MTA3: variants seen among roughly 807,000 people sequenced by gnomAD.
MTA3 encodes metastasis associated 1 family member 3, also known as metastasis-associated protein MTA3.
Under a neutral mutation model 83.5 loss-of-function variants are expected in MTA3, and 34 were observed. The ratio of observed to expected loss-of-function variants is 0.41; its 90% CI spans 0.31 to 0.54. The LOEUF is 0.54. Ranked by LOEUF, MTA3 falls within the 20% of genes least tolerant of loss-of-function variation. The probability of loss-of-function intolerance (pLI) is 0.33; values close to 1 mark genes in which losing one functional copy is unlikely to be tolerated. For missense variants in MTA3, 761 were observed against 726.4 expected (o/e 1.05, Z -0.55); for synonymous variants, 303 against 252.7 (o/e 1.20, Z -1.89).
chr2:42,587,985 A>G (rs1193131120), intron 3 of MTA3, among the ~76,000 whole-genome samples: 5 of 152,076 alleles, frequency 3.3e-5, no homozygotes, highest in Admixed American at 6.6e-5. Context: ...ATGTAAAACT[A>G]TTTACATTTT....
chr2:42,602,767 C>T (rs1682736964), intron 3 of MTA3, among the ~76,000 whole-genome samples: 1 of 152,130 alleles, frequency 6.6e-6, no homozygotes, highest in African/African-American at 2.4e-5. Context: ...GCAGTAAATT[C>T]CCTCAGTCAG....
At chr2:42,678,036 A>G (rs969945319) in intron 8 of MTA3, among the ~76,000 whole-genome samples, 4 of 152,216 alleles carry the variant, frequency 2.6e-5, no homozygotes, top group Admixed American at 2.0e-4. Flanking sequence ...AAAAGTACAT[A>G]CTACAGCTAA....
intron 9 of MTA3, among the ~76,000 whole-genome samples, chr2:42,694,654 C>T (rs562899753): frequency 2.6e-5 from 4 of 152,300 alleles, no homozygotes; most frequent in African/African-American, 9.6e-5. Flanking sequence ...GTGGCATCAG[C>T]GATTCAAGAC....
intron 15 of MTA3, among the ~76,000 whole-genome samples, chr2:42,721,329 T>C (rs1667393253): frequency 6.7e-6 from 1 of 149,974 alleles, no homozygotes; most frequent in African/African-American, 2.5e-5. Context: ...TTTTTCTTTT[T>C]CTTTTTTTTT....
chr2:42,544,381 G>A (rs1676661435), intron 2 of MTA3, among the ~76,000 whole-genome samples: 1 of 151,848 alleles, frequency 6.6e-6, no homozygotes, highest in Admixed American at 6.6e-5. Flanking sequence ...AGGAGGCAGA[G>A]GTTGTGGTGA....
chr2:42,692,691 C>T (rs953711318), intron 9 of MTA3, among the ~76,000 whole-genome samples: 7 of 152,118 alleles, frequency 4.6e-5, no homozygotes, highest in African/African-American at 1.4e-4. Flanking sequence ...CCTCCCAAAG[C>T]GCTGGGATTA....
chr2:42,565,710 T>A (rs569826174), upstream of MTA3, among the ~76,000 whole-genome samples: 1 of 152,038 alleles, frequency 6.6e-6, no homozygotes, highest in African/African-American at 2.4e-5. Context: ...CCTTCTATAT[T>A]TAAATTTTAC....
chr2:42,667,621 A>AAGAGAGAGAG (rs70963342), intron 8 of MTA3, among the ~76,000 whole-genome samples: 17 of 114,148 alleles, frequency 1.5e-4, no homozygotes, highest in African/African-American at 4.9e-4. Context: ...TAGAGAGAGA[A>AAGAGAGAGAG]AGAGAGAGAG....
intron 2 of MTA3, among the ~76,000 whole-genome samples, chr2:42,577,105 A>AAAAAAAAAATATATAT (rs1211189566): frequency 3.5e-5 from 3 of 86,952 alleles, no homozygotes; most frequent in African/African-American, 1.6e-4. Flanking sequence ...AAAAAAAAAA[A>AAAAAAAAAATATATAT]ATATATATAT....
At chr2:42,695,028 GAGGAGGCTGAGGC>G (rs2104469281) in intron 9 of MTA3, among the ~76,000 whole-genome samples, 1 of 152,208 alleles carries the variant, frequency 6.6e-6, no homozygotes, top group South Asian at 2.1e-4. Flanking sequence ...AGTCCCAGCT[GAGGAGGCTGAGGC>G]AGGAGGATCA....
intron 2 of MTA3, among the ~76,000 whole-genome samples, chr2:42,519,856 C>A (rs1377120408): frequency 3.3e-5 from 5 of 152,140 alleles, no homozygotes; most frequent in African/African-American, 9.7e-5. Flanking sequence ...CAAGACCATC[C>A]TGGGCAACAT....
At chr2:42,537,767 G>A (rs904337443) in intron 2 of MTA3, among the ~76,000 whole-genome samples, 8 of 152,060 alleles carry the variant, frequency 5.3e-5, no homozygotes, top group Non-Finnish European at 1.2e-4. Flanking sequence ...TTTAATGGGG[G>A]CTATATGTTG....
chr2:42,649,147 C>G (rs1319075664), intron 6 of MTA3, among the ~76,000 whole-genome samples: 1 of 152,144 alleles, frequency 6.6e-6, no homozygotes, highest in Non-Finnish European at 1.5e-5. Context: ...GTAATCCCAG[C>G]ACTTTGGGAG....
intron 9 of MTA3, among the ~76,000 whole-genome samples, chr2:42,695,082 G>C (rs1165836506): frequency 1.3e-5 from 2 of 152,168 alleles, no homozygotes; most frequent in Non-Finnish European, 1.5e-5. Flanking sequence ...ACTGCAGTGA[G>C]CTGTGATCAT....
At chr2:42,614,213 T>G (rs2104123556) in intron 4 of MTA3, 1 of 152,280 alleles carries the variant, frequency 6.6e-6, no homozygotes, top group Admixed American at 6.5e-5. Flanking sequence ...TTCTCTTGCC[T>G]CAGCCTCCCG....
intron 16 of MTA3, among the ~76,000 whole-genome samples, chr2:42,733,716 C>T (rs1309765511): frequency 6.6e-6 from 1 of 152,072 alleles, no homozygotes; most frequent in Admixed American, 6.6e-5. Context: ...CCAGGCTGCT[C>T]TTGAACTCCT....
rs555594573 is a variant in MTA3, at chr2:42,696,532, A to G, written c.966+693A>G. On this transcript the variant is annotated intron_variant, in intron 10 of 16. Transcript: ENST00000405094. ...AAAAAGGCAAATATATTTAACACAG[A>G]CATTATTTTTCCTATATATGTAGGT... Among the ~76,000 whole-genome samples, 10 of 150,542 alleles carry G rather than the reference A, an allele frequency of 6.6e-5. No homozygotes were observed. In the East Asian group the frequency reaches 1.9e-3, roughly 29 times the overall value.
chr2:42,659,788 C>T lies in MTA3; in HGVS notation c.628C>T (p.Leu210=). 2 of 1,604,314 alleles carry T rather than the reference C, an allele frequency of 1.2e-6. No individual in the cohort carries two copies. Among genetic ancestry groups the T allele is most frequent in the South Asian group, 1.1e-5 (1 of 89,414 alleles). ...ARAVGTFARA[L]DCSSSVRQPS... is the part of the protein sequence containing the mutation. ...TGCTGTTGGGACATTCGCCAGAGCC[C>T]TGGATTGCAGCAGTTCTGTGAGGCA... Residue 210 remains leucine, a synonymous_variant, in exon 8 of 17, where the codon CTG becomes TTG. Transcript: ENST00000405094.
intron 2 of MTA3, among the ~76,000 whole-genome samples, chr2:42,548,844 AT>A (rs1558428356): frequency 1.2e-4 from 1 of 8,524 alleles, no homozygotes; most frequent in East Asian, 6.3e-3. Flanking sequence ...ATATATATAT[AT>A]AATATATATA....
Sources: gnomAD v4.1 joint callset for allele counts (sites outside exome capture counted in the v4.1 genomes callset) on GRCh38, gnomAD v4.1.1 for gene constraint, MANE v1.5 for transcripts, NCBI Gene and HGNC (gene_info 2026-07-23, HGNC 2026-07-21) for gene names.